The following NHEJ1 variants were observed in gnomAD, a reference collection of about 807,000 sequenced individuals.
The protein encoded by NHEJ1 is non-homologous end joining factor 1, also known as non-homologous end-joining factor 1.
In NHEJ1, 22 loss-of-function variants were observed where a neutral mutation model predicts 39.4. That is an observed-to-expected ratio of 0.56 (90% confidence interval 0.40 to 0.80). The LOEUF is 0.80. NHEJ1 is among the 30% of genes least tolerant of loss of function. NHEJ1 has a pLI of 0.00. For synonymous variants in NHEJ1, 154 were observed against 135.6 expected (o/e 1.14, Z -0.94); for missense variants, 329 against 357.1 (o/e 0.92, Z 0.63).
At chr2:219,149,008 C>T (rs565869210) in intron 3 of NHEJ1, among the ~76,000 whole-genome samples, 6 of 152,142 alleles carry the variant, frequency 3.9e-5, no homozygotes, top group African/African-American at 1.2e-4. Context: ...CTCACCCTCC[C>T]GAGTAGCTGA....
chr2:219,159,588 C>CAT (rs368325501), intron 1 of NHEJ1, among the ~76,000 whole-genome samples: 1,747 of 69,454 alleles, frequency 0.025, 138 homozygotes, highest in African/African-American at 0.068. Context: ...TATATATATG[C>CAT]ATATATATAT....
At chr2:219,085,868 T>A (rs1949107051) in intron 5 of NHEJ1, among the ~76,000 whole-genome samples, 2 of 152,154 alleles carry the variant, frequency 1.3e-5, no homozygotes, top group South Asian at 4.1e-4. Context: ...GCTGCCTCTC[T>A]CTCACGATGC....
At chr2:219,086,789 C>T (rs187735557) in intron 5 of NHEJ1, among the ~76,000 whole-genome samples, 14 of 152,276 alleles carry the variant, frequency 9.2e-5, no homozygotes, top group Admixed American at 9.2e-4. Flanking sequence ...GTGGCTGCCT[C>T]TGAAAGGAGG....
chr2:219,114,907 A>G (rs1949396608), intron 5 of NHEJ1, among the ~76,000 whole-genome samples: 2 of 152,220 alleles, frequency 1.3e-5, no homozygotes, highest in Non-Finnish European at 2.9e-5. Context: ...GGCCTAAGAA[A>G]TGTCTGAACA....
At chr2:219,137,582 A>AC (rs1949644765) in intron 5 of NHEJ1, among the ~76,000 whole-genome samples, 1 of 140,552 alleles carries the variant, frequency 7.1e-6, no homozygotes, top group Non-Finnish European at 1.6e-5. Context: ...AAAAAAAAAA[A>AC]AAAAAAAAAA....
At position 219,094,380 on chromosome 2, in the gene NHEJ1, G is replaced by T. The variant is rs189943644; in HGVS notation, c.589-16174C>A. Among the ~76,000 whole-genome samples, 431 of 152,328 alleles carry T rather than the reference G, an allele frequency of 2.8e-3. 1 individual carries two copies. The Middle Eastern group carries it at 0.044, about 16-fold the overall frequency. On this transcript the variant is annotated intron_variant, in intron 5 of 7. Coordinates refer to ENST00000356853, the MANE Select transcript of NHEJ1 (RefSeq NM_024782.3). ...CTGTGGAAGCGGAGGTTGTGGCTGGGTGCTGGGAGAAGGGGACTGGAAAAA... is the reference window on the plus strand; with the variant it reads ...CTGTGGAAGCGGAGGTTGTGGCTGGTTGCTGGGAGAAGGGGACTGGAAAAA...
intron 5 of NHEJ1, among the ~76,000 whole-genome samples, chr2:219,091,118 A>C (rs1249833293): frequency 6.6e-6 from 1 of 152,038 alleles, no homozygotes; most frequent in South Asian, 2.1e-4. Flanking sequence ...GCCCTCATAG[A>C]GCTTACAGTC....
intron 3 of NHEJ1, among the ~76,000 whole-genome samples, chr2:219,150,043 T>C (rs1949780546): frequency 1.3e-5 from 2 of 152,234 alleles, no homozygotes; most frequent in Admixed American, 1.3e-4. Context: ...GAGTATCCCA[T>C]AACATGTGCA....
chr2:219,137,279 CA>C (rs1949640756), intron 5 of NHEJ1, among the ~76,000 whole-genome samples: 1 of 151,984 alleles, frequency 6.6e-6, no homozygotes, highest in South Asian at 2.1e-4. Flanking sequence ...TTTATATGCC[CA>C]CGGTTAAACC....
chr2:219,135,717 C>T (rs1949621191), intron 5 of NHEJ1, among the ~76,000 whole-genome samples: 1 of 152,166 alleles, frequency 6.6e-6, no homozygotes, highest in Non-Finnish European at 1.5e-5. Flanking sequence ...TGGCTCATGC[C>T]TGTAATCCCA....
chr2:219,117,021 C>G (rs561202063), intron 5 of NHEJ1, among the ~76,000 whole-genome samples: 14 of 152,216 alleles, frequency 9.2e-5, no homozygotes, highest in Non-Finnish European at 1.6e-4. Flanking sequence ...GGCCTCTCTT[C>G]CCATCCCACA....
Position 219,147,699 on chromosome 2 carries a change from C to T in NHEJ1, c.487G>A (p.Glu163Lys), listed in dbSNP as rs140633489. The T allele has an allele frequency of 2.5e-6, 4 of 1,614,110 alleles. No homozygotes were observed. In the African/African-American group the frequency reaches 5.3e-5, roughly 22 times the overall value. ...LATLLHMKDL[E>K]IQDYQESGAT... ...CCACTCTCCTGGTAGTCTTGGATCTCTAGGTCTTTCATATGAAGTAACGTT... is the reference window on the plus strand; with the variant it reads ...CCACTCTCCTGGTAGTCTTGGATCTTTAGGTCTTTCATATGAAGTAACGTT... The change falls in exon 4 of 8, where the codon GAG becomes AAG. Residue 163 changes from glutamate (E) to lysine (K), a missense_variant. Coordinates refer to ENST00000356853, the MANE Select transcript of NHEJ1 (RefSeq NM_024782.3).
intron 3 of NHEJ1, among the ~76,000 whole-genome samples, chr2:219,154,557 C>T (rs1949831197): frequency 6.6e-6 from 1 of 152,178 alleles, no homozygotes; most frequent in Admixed American, 6.6e-5. Flanking sequence ...CAGACATACA[C>T]ACAAGCCTGA....
At chr2:219,142,269 C>A (rs911970070) in intron 5 of NHEJ1, among the ~76,000 whole-genome samples, 2 of 152,192 alleles carry the variant, frequency 1.3e-5, no homozygotes, top group African/African-American at 4.8e-5. Flanking sequence ...TCCATCTCTG[C>A]TAAGGGACCC....
At chr2:219,133,639 T>C (rs1229354660) in intron 5 of NHEJ1, among the ~76,000 whole-genome samples, 1 of 152,228 alleles carries the variant, frequency 6.6e-6, no homozygotes, top group African/African-American at 2.4e-5. Flanking sequence ...TTTACTACTG[T>C]CCCTTTCACT....
chr2:219,074,740 TA>T lies in NHEJ1; in HGVS notation c.*1640del, dbSNP rs576848890. ...CTAGGCAACAAGAGCAAGACTCCAT[TA>T]AAAAAAAAAAAAAGTAACAAAAGAG... On this transcript the variant is annotated 3_prime_UTR_variant, in exon 8 of 8. Coordinates refer to ENST00000356853, the MANE Select transcript of NHEJ1 (RefSeq NM_024782.3). Among the ~76,000 whole-genome samples, 4,837 of 139,760 alleles carry T rather than the reference TA, an allele frequency of 0.035. 89 individuals are homozygous for T. The highest frequency in any genetic ancestry group is 0.063 in the African/African-American group (2,431 of 38,304). 91.7% of individuals were successfully genotyped at this position (139,760 alleles called of 152,430 possible). A position where few individuals can be genotyped will look rare whatever the true frequency, so the allele number is the denominator to read the frequency against.
At chr2:219,139,285 A>G (rs1949667693) in intron 5 of NHEJ1, among the ~76,000 whole-genome samples, 1 of 152,116 alleles carries the variant, frequency 6.6e-6, no homozygotes, top group Non-Finnish European at 1.5e-5. Flanking sequence ...ACGAAGTTTC[A>G]CCATGTTGGC....
chr2:219,155,362 CGAGACCACCCTGGTCAACACAGA>C (rs1282168081), intron 3 of NHEJ1, among the ~76,000 whole-genome samples: 3 of 151,726 alleles, frequency 2.0e-5, no homozygotes, highest in Non-Finnish European at 2.9e-5. Flanking sequence ...GTGAGGAATT[CGAGACCACCCTGGTCAACACAGA>C]GAGACCCCCC....
chr2:219,131,048 C>A (rs1949573290), intron 5 of NHEJ1, among the ~76,000 whole-genome samples: 1 of 152,120 alleles, frequency 6.6e-6, no homozygotes, highest in South Asian at 2.1e-4. Flanking sequence ...GCAATGATCA[C>A]ACCACTGCAC....
Sources: allele counts gnomAD v4.1 joint callset (sites outside exome capture counted in the v4.1 genomes callset), GRCh38; gene constraint gnomAD v4.1.1; transcripts MANE v1.5; gene names NCBI Gene and HGNC (gene_info 2026-07-23, HGNC 2026-07-21).